Variants in VTI1A observed in about 807,000 individuals in gnomAD.
The protein encoded by VTI1A is vesicle transport through interaction with t-SNAREs homolog 1A.
Under a neutral mutation model 34.9 loss-of-function variants are expected in VTI1A, and 22 were observed. The observed-to-expected ratio is 0.63, with a 90% CI of 0.45 to 0.90. VTI1A has a LOEUF of 0.90. Among genes scored for constraint, VTI1A ranks in the 40% least tolerant of loss-of-function variants. The probability of loss-of-function intolerance (pLI) is 0.00; values close to 1 mark genes in which losing one functional copy is unlikely to be tolerated. For synonymous variants in VTI1A, 87 were observed against 97.3 expected (o/e 0.89, Z 0.62); for missense variants, 268 against 275.6 (o/e 0.97, Z 0.20).
At chr10:112,697,802 C>CATAACAAGAA (rs1184821356) in intron 7 of VTI1A, among the ~76,000 whole-genome samples, 1 of 151,406 alleles carries the variant, frequency 6.6e-6, no homozygotes, top group African/African-American at 2.4e-5. Flanking sequence ...AGCTTTGTTC[C>CATAACAAGAA]ATAACAAGAA....
chr10:112,531,061 C>CACA (rs1554896983), intron 4 of VTI1A, among the ~76,000 whole-genome samples: 2 of 90,240 alleles, frequency 2.2e-5, no homozygotes, highest in East Asian at 3.1e-4. Flanking sequence ...ACGTGACACA[C>CACA]CTCACACACA....
intron 4 of VTI1A, among the ~76,000 whole-genome samples, chr10:112,528,439 T>C (rs1368538872): frequency 2.0e-5 from 3 of 152,030 alleles, no homozygotes; most frequent in African/African-American, 4.8e-5. Context: ...TTCAGACATG[T>C]GAACACGTTC....
chr10:112,799,415 C>T (rs1405017887), intron 7 of VTI1A, among the ~76,000 whole-genome samples: 1 of 152,226 alleles, frequency 6.6e-6, no homozygotes, highest in African/African-American at 2.4e-5. Flanking sequence ...ACAAAGAGAA[C>T]ACCATTTCTG....
chr10:112,710,377 T>A (rs529909556), intron 7 of VTI1A, among the ~76,000 whole-genome samples: 2 of 152,050 alleles, frequency 1.3e-5, no homozygotes, highest in East Asian at 3.9e-4. Context: ...TGCCTAACTT[T>A]TGTATTTTTA....
chr10:112,819,194 A>G (rs1043743837), downstream of VTI1A, among the ~76,000 whole-genome samples: 3 of 152,188 alleles, frequency 2.0e-5, no homozygotes, highest in African/African-American at 7.2e-5. Context: ...CCCATCGTAA[A>G]TATTAATAGC....
At chr10:112,703,139 A>G (rs1162122109) in intron 7 of VTI1A, among the ~76,000 whole-genome samples, 9 of 152,120 alleles carry the variant, frequency 5.9e-5, no homozygotes. Context: ...GTCTACTACT[A>G]GATGTATTTT....
At position 112,625,640 on chromosome 10, in the gene VTI1A, CA is replaced by C. The variant is rs766419906; in HGVS notation, c.428-42566del. Reference sequence around the variant, plus strand: ...GGGCAACAAGAGTGAAACTCTGTCTCAAAAAAAAAAAAGGAAAACCAAACAT... The same window carrying C: ...GGGCAACAAGAGTGAAACTCTGTCTCAAAAAAAAAAAGGAAAACCAAACAT... On this transcript the variant is annotated intron_variant, in intron 5 of 7. Transcript: ENST00000393077. Among the ~76,000 whole-genome samples the C allele has an allele frequency of 7.9e-4, 65 of 82,512 alleles. 1 individual carries two copies. The highest frequency in any genetic ancestry group is 7.0e-3 in the South Asian group (21 of 2,984). 54.1% of individuals were successfully genotyped at this position (82,512 alleles called of 152,430 possible). A position where few individuals can be genotyped will look rare whatever the true frequency, so the allele number is the denominator to read the frequency against.
the VTI1A span, among the ~76,000 whole-genome samples, chr10:112,852,495 G>A: frequency 6.6e-6 from 1 of 152,204 alleles, no homozygotes; most frequent in Admixed American, 6.5e-5. Flanking sequence ...CCAGCATCAT[G>A]GGGCCCACTA....
At chr10:112,743,013 C>CGTGTGTGT (rs10612255) in intron 7 of VTI1A, among the ~76,000 whole-genome samples, 102 of 141,978 alleles carry the variant, frequency 7.2e-4, no homozygotes, top group Admixed American at 2.4e-3. Context: ...GACCTATTCT[C>CGTGTGTGT]GTGTGTGTGT....
rs1030956889 is a variant in VTI1A, at chr10:112,498,186, G to T, written c.265-28901G>T. Among the ~76,000 whole-genome samples the T allele has an allele frequency of 1.7e-4, 26 of 152,126 alleles. 1 individual carries two copies. The highest frequency in any genetic ancestry group is 3.4e-4 in the Non-Finnish European group (23 of 68,008). Reference sequence around the variant, plus strand: ...CAAGTCTCTGTCAGCAGCCAGCCAGGTTTATACTGACTGAAGAATTGGTCT... The same window carrying T: ...CAAGTCTCTGTCAGCAGCCAGCCAGTTTTATACTGACTGAAGAATTGGTCT... On this transcript the variant is annotated intron_variant, in intron 3 of 7. Transcript: ENST00000393077.
At chr10:112,480,692 G>A (rs944167940) in intron 3 of VTI1A, among the ~76,000 whole-genome samples, 1 of 152,128 alleles carries the variant, frequency 6.6e-6, no homozygotes, top group Non-Finnish European at 1.5e-5. Flanking sequence ...AAGAATTTTG[G>A]GGAGGGATAG....
chr10:112,738,412 G>A (rs1014714278), intron 7 of VTI1A, among the ~76,000 whole-genome samples: 4 of 152,128 alleles, frequency 2.6e-5, no homozygotes, highest in African/African-American at 9.7e-5. Context: ...TACAGACTTG[G>A]CTCTCCTCTG....
chr10:112,454,524 C>T (rs1038473830), intron 1 of VTI1A, among the ~76,000 whole-genome samples: 1 of 152,108 alleles, frequency 6.6e-6, no homozygotes, highest in African/African-American at 2.4e-5. Context: ...ACACCTTGAA[C>T]CCAGGAGTTT....
chr10:112,669,431 GA>G (rs2133837301), intron 7 of VTI1A, among the ~76,000 whole-genome samples: 1 of 152,236 alleles, frequency 6.6e-6, no homozygotes, highest in South Asian at 2.1e-4. Context: ...GCTGTTTGGG[GA>G]AACATTTCCG....
intron 7 of VTI1A, among the ~76,000 whole-genome samples, chr10:112,771,566 C>A (rs140013104): frequency 1.3e-4 from 20 of 152,286 alleles, no homozygotes; most frequent in African/African-American, 3.6e-4. Context: ...ATTCACAAAA[C>A]CTACAATGCA....
chr10:112,583,860 C>A (rs898102325), intron 5 of VTI1A, among the ~76,000 whole-genome samples: 4 of 152,200 alleles, frequency 2.6e-5, no homozygotes, highest in African/African-American at 9.6e-5. Flanking sequence ...TACAGGTTTT[C>A]CTATTTCAGC....
At chr10:112,830,849 A>ATATATATATATATATTTTTTTTTTT in the VTI1A span, among the ~76,000 whole-genome samples, 1 of 33,510 alleles carries the variant, frequency 3.0e-5, no homozygotes, top group Non-Finnish European at 4.9e-5. Context: ...ATATATATAT[A>ATATATATATATATATTTTTTTTTTT]TTTTTTTTTT....
chr10:112,624,759 C>G (rs896917906), intron 5 of VTI1A, among the ~76,000 whole-genome samples: 4 of 152,104 alleles, frequency 2.6e-5, no homozygotes, highest in Non-Finnish European at 4.4e-5. Context: ...CAAATAATCA[C>G]AAGATTATTC....
intron 7 of VTI1A, among the ~76,000 whole-genome samples, chr10:112,812,598 C>T (rs1853356815): frequency 6.6e-6 from 1 of 152,166 alleles, no homozygotes; most frequent in South Asian, 2.1e-4. Flanking sequence ...CTTTTCTGGT[C>T]CTGAGGGGTA....
Sources: gnomAD v4.1 joint callset for allele counts (sites outside exome capture counted in the v4.1 genomes callset) on GRCh38, gnomAD v4.1.1 for gene constraint, MANE v1.5 for transcripts, NCBI Gene and HGNC (gene_info 2026-07-23, HGNC 2026-07-21) for gene names.